RYK: variants seen among roughly 807,000 people sequenced by gnomAD.
RYK encodes the protein inactive tyrosine-protein kinase RYK.
RYK carries 21 observed loss-of-function variants against 70.2 expected under a neutral mutation model. The observed-to-expected ratio is 0.30, with a 90% confidence interval of 0.21 to 0.43. RYK has a LOEUF of 0.43. Ranked by LOEUF, RYK falls within the 20% of genes least tolerant of loss-of-function variation. The pLI, the probability that RYK is intolerant of heterozygous loss-of-function variation, is 1.00. For synonymous variants in RYK, 267 were observed against 278.0 expected, an observed-to-expected ratio of 0.96 and a Z score of 0.39; for missense variants, 604 against 753.3, an observed-to-expected ratio of 0.80 and a Z score of 2.32.
chr3:134,231,857 T>C (rs1248623967), intron 1 of RYK, among the ~76,000 whole-genome samples: 1 of 152,136 alleles, frequency 6.6e-6, no homozygotes, highest in Non-Finnish European at 1.5e-5. Context: ...AGTTACCTCA[T>C]TCACTGAGGA....
At chr3:134,209,608 A>T in intron 4 of RYK, 87 bp downstream of exon 4, 1 of 963,296 alleles carries the variant, frequency 1.0e-6, no homozygotes, top group South Asian at 2.3e-5. Flanking sequence ...TGAGTTGGAC[A>T]TACTTAAATC....
intron 11 of RYK, among the ~76,000 whole-genome samples, chr3:134,177,068 AAAC>A (rs1355096890): frequency 1.5e-4 from 1 of 6,548 alleles, no homozygotes; most frequent in African/African-American, 1.7e-4. Context: ...AAAAAACAAA[AAAC>A]AAACAAAAAA....
intron 1 of RYK, among the ~76,000 whole-genome samples, chr3:134,236,547 C>T (rs2015204815): frequency 6.6e-6 from 1 of 152,120 alleles, no homozygotes; most frequent in Non-Finnish European, 1.5e-5. Context: ...ACTTCTGACT[C>T]CCATTTTTGC....
intron 8 of RYK, 34 bp from the exon 9 acceptor site, chr3:134,188,957 C>T: frequency 8.3e-7 from 1 of 1,203,308 alleles, no homozygotes. Flanking sequence ...TGAGATCATA[C>T]AACATTCATA....
intron 6 of RYK, among the ~76,000 whole-genome samples, chr3:134,196,496 A>G (rs1424813814): frequency 1.3e-5 from 2 of 151,842 alleles, no homozygotes; most frequent in Non-Finnish European, 2.9e-5. Flanking sequence ...AGCTGCAGCT[A>G]TTTGGAAGGC....
intron 13 of RYK, among the ~76,000 whole-genome samples, chr3:134,167,609 A>C (rs2012723293): frequency 6.6e-6 from 1 of 152,220 alleles, no homozygotes; most frequent in Non-Finnish European, 1.5e-5. Flanking sequence ...CTTACACCTT[A>C]TACAAACATT....
intron 9 of RYK, among the ~76,000 whole-genome samples, chr3:134,184,777 T>C (rs1035798912): frequency 5.3e-5 from 8 of 150,008 alleles, no homozygotes; most frequent in Non-Finnish European, 1.2e-4. Flanking sequence ...AAAATAATAA[T>C]AATAAACAAA....
At chr3:134,165,032 C>G (rs1477774549) in intron 13 of RYK, among the ~76,000 whole-genome samples, 3 of 151,862 alleles carry the variant, frequency 2.0e-5, no homozygotes, top group African/African-American at 4.8e-5. Context: ...GTTTTCTGAC[C>G]AAGGCAAAAA....
At chr3:134,188,088 G>T (rs1222547663) in intron 9 of RYK, among the ~76,000 whole-genome samples, 1 of 150,776 alleles carries the variant, frequency 6.6e-6, no homozygotes, top group African/African-American at 2.4e-5. Context: ...AAGAATATGT[G>T]AAAACAGTTA....
chr3:134,177,912 T>A (rs757251887), intron 11 of RYK, 29 bp downstream of exon 11: 1 of 1,586,832 alleles, frequency 6.3e-7, no homozygotes, highest in Non-Finnish European at 8.6e-7. Context: ...TACTGGTAAA[T>A]AATTGGTATT....
In RYK at chr3:134,250,618, T is replaced by C; in HGVS notation, c.37A>G (p.Ser13Gly). The change falls in exon 1 of 15, where the codon AGT becomes GGT. Residue 13 changes from serine (S) to glycine (G), a missense_variant. Around this residue, in one of 2 missense-constraint regions of RYK, gnomAD observed 466 missense variants for 535.9 expected, o/e 0.87. Coordinates refer to ENST00000623711, the MANE Select transcript of RYK (RefSeq NM_002958.4). ...GAARLGRPGR[S>G]CLPGARGLRA... ...AGGCCGCGGGCCCCCGGGAGGCAAC[T>C]CCGGCCCGGCCGCCCCAGCCGCGCC... 1.0e-6 allele frequency: 1 copy of C among 1,003,292 alleles called. No homozygotes were observed. 62.1% of individuals were successfully genotyped at this position (1,003,292 alleles called of 1,614,324 possible).
chr3:134,190,869 T>C (rs150295828), intron 8 of RYK, among the ~76,000 whole-genome samples: 1,663 of 152,344 alleles, frequency 0.011, 31 homozygotes, highest in African/African-American at 0.038. Flanking sequence ...CTACCTGGTC[T>C]ACTTACTCTC....
In RYK at chr3:134,238,853, G is replaced by T. The variant is rs568515218; in HGVS notation, c.232+11570C>A. 6.6e-5 allele frequency among the ~76,000 whole-genome samples: 10 copies of T among 152,262 alleles called. No homozygotes were observed. The East Asian group carries it at 1.9e-3, about 29-fold the overall frequency. ...GAAAATAGACTGGATAGGACAGCAG[G>T]TTATGCATTTTGGGGAAAAAAAATT... On this transcript the variant is annotated intron_variant, in intron 1 of 14. Coordinates refer to ENST00000623711, the MANE Select transcript of RYK (RefSeq NM_002958.4).
intron 13 of RYK, among the ~76,000 whole-genome samples, chr3:134,171,619 T>G (rs1250790273): frequency 6.6e-6 from 1 of 152,112 alleles, no homozygotes; most frequent in Non-Finnish European, 1.5e-5. Flanking sequence ...GTAATCCCAG[T>G]GCTTTGAGAG....
chr3:134,182,324 C>A (rs1295895570), intron 10 of RYK, among the ~76,000 whole-genome samples: 1 of 152,040 alleles, frequency 6.6e-6, no homozygotes, highest in African/African-American at 2.4e-5. Flanking sequence ...TTGCCAATAT[C>A]AAAAGTCAGA....
rs2012311050 is a variant in RYK, at chr3:134,158,051, T to C, written c.*102A>G. The C allele has an allele frequency of 2.1e-6, 1 of 482,320 alleles. No individual in the cohort carries two copies. The highest frequency in any genetic ancestry group is 3.4e-6 in the Non-Finnish European group (1 of 290,100). The allele number at this position is 482,320 out of a possible 1,614,324, so 29.9% of individuals were successfully genotyped here. A position where few individuals can be genotyped will look rare whatever the true frequency, so the allele number is the denominator to read the frequency against. On this transcript the variant is annotated 3_prime_UTR_variant, in exon 15 of 15. Transcript: ENST00000623711. ...AAGGCACGGTGTTCTGGAAGACAAA[T>C]GTGCTTCTGTTGGCGTTGTGTTAGA... is the stretch of plus-strand genomic sequence containing the variant.
intron 1 of RYK, among the ~76,000 whole-genome samples, chr3:134,228,331 G>A (rs564071496): frequency 4.6e-5 from 7 of 152,168 alleles, no homozygotes; most frequent in African/African-American, 1.4e-4. Flanking sequence ...CCCAGCAATC[G>A]CACTACTGGG....
At chr3:134,174,831 G>C (rs1000747513) in intron 13 of RYK, among the ~76,000 whole-genome samples, 1 of 151,824 alleles carries the variant, frequency 6.6e-6, no homozygotes, top group African/African-American at 2.4e-5. Flanking sequence ...CTTGACAAAA[G>C]GAAGAGGATG....
At chr3:134,200,696 A>G (rs1219171388) in intron 6 of RYK, among the ~76,000 whole-genome samples, 4 of 152,240 alleles carry the variant, frequency 2.6e-5, no homozygotes, top group African/African-American at 9.6e-5. Flanking sequence ...TTTACAGAGG[A>G]GAACTGAGAC....
Sources: allele counts gnomAD v4.1 joint callset (sites outside exome capture counted in the v4.1 genomes callset), GRCh38; gene constraint gnomAD v4.1.1; regional missense constraint gnomAD v4.1.1; transcripts MANE v1.5; gene names NCBI Gene and HGNC (gene_info 2026-07-23, HGNC 2026-07-21).